MYLK: variants seen among roughly 807,000 people sequenced by gnomAD.
The protein encoded by MYLK is myosin light chain kinase, smooth muscle.
MYLK carries 106 observed loss-of-function variants against 203.4 expected under a neutral mutation model. The ratio of observed to expected loss-of-function variants is 0.52; its 90% CI spans 0.45 to 0.61. MYLK has a LOEUF of 0.61. MYLK is among the 20% of genes least tolerant of loss of function. The pLI is 0.00. For missense variants in MYLK, 2,072 were observed against 2,442.3 expected, an observed-to-expected ratio of 0.85 and a Z score of 3.20; for synonymous variants, 867 against 959.5, an observed-to-expected ratio of 0.90 and a Z score of 1.78.
At position 123,826,381 on chromosome 3, in the gene MYLK, T is replaced by C. The variant is rs1433537628; in HGVS notation, c.-4+5167A>G. 2.6e-5 allele frequency among the ~76,000 whole-genome samples: 4 copies of C among 152,154 alleles called. No homozygotes were observed. In the East Asian group the frequency reaches 7.7e-4, roughly 29 times the overall value. ...GGCTGGCTGAGCAGCTATAAGCCCA[T>C]GTCCTGAGATGAAGAAAGAGCCCCA... On this transcript the variant is annotated intron_variant, in intron 3 of 33. Coordinates refer to ENST00000360304, the MANE Select transcript of MYLK (RefSeq NM_053025.4).
chr3:123,736,549 A>G (rs997605129), intron 8 of MYLK, among the ~76,000 whole-genome samples: 1 of 152,044 alleles, frequency 6.6e-6, no homozygotes, highest in African/African-American at 2.4e-5. Context: ...CGTGTTCAAC[A>G]AGACTTACAA....
intron 13 of MYLK, among the ~76,000 whole-genome samples, chr3:123,710,641 G>C (rs1369427876): frequency 2.6e-5 from 4 of 152,162 alleles, no homozygotes; most frequent in Non-Finnish European, 5.9e-5. Flanking sequence ...AGGTGGTACA[G>C]AACCTTCTGA....
intron 4 of MYLK, among the ~76,000 whole-genome samples, chr3:123,763,606 A>T (rs2063606956): frequency 6.6e-6 from 1 of 152,060 alleles, no homozygotes; most frequent in African/African-American, 2.4e-5. Context: ...GCTTCGTGGC[A>T]TTTGAAGGCA....
chr3:123,805,073 C>A (rs1407339542), intron 3 of MYLK, among the ~76,000 whole-genome samples: 1 of 152,110 alleles, frequency 6.6e-6, no homozygotes, highest in African/African-American at 2.4e-5. Flanking sequence ...CCCCTGGGGC[C>A]AAAGGCAGTT....
chr3:123,797,804 C>T (rs950561220), intron 3 of MYLK, among the ~76,000 whole-genome samples: 13 of 152,202 alleles, frequency 8.5e-5, no homozygotes, highest in Non-Finnish European at 1.6e-4. Context: ...ATGTAACACC[C>T]ATAATATAGC....
At position 123,648,629 on chromosome 3, in the gene MYLK, C is replaced by A. The variant is rs1028809302; in HGVS notation, c.4415+342G>T. Among the ~76,000 whole-genome samples, 1 of 152,132 alleles carries A rather than the reference C, an allele frequency of 6.6e-6. No homozygotes were observed. Among genetic ancestry groups the A allele is most frequent in the Admixed American group, 6.5e-5 (1 of 15,274 alleles). On this transcript the variant is annotated intron_variant, in intron 26 of 33. Transcript: ENST00000360304. The surrounding 1 kb of genome is among the most constrained non-coding windows in gnomAD (Gnocchi z 4.5). ...TAGCTCTTCTCCCTAATGTTCTGCT[C>A]CCCGCACCCCCTGCTCTCCCCTGAC...
intron 33 of MYLK, chr3:123,618,282 A>G (rs952004369): frequency 1.3e-5 from 4 of 304,688 alleles, no homozygotes; most frequent in Non-Finnish European, 2.6e-5. Context: ...AGGGCCTCAT[A>G]TGGGCAAGTC....
chr3:123,721,607 T>C (rs1490885877), intron 13 of MYLK, among the ~76,000 whole-genome samples: 1 of 151,992 alleles, frequency 6.6e-6, no homozygotes, highest in African/African-American at 2.4e-5. Context: ...GGACAACCTG[T>C]GACCCTCTGG....
intron 3 of MYLK, among the ~76,000 whole-genome samples, chr3:123,825,696 C>G (rs1354778168): frequency 6.6e-6 from 1 of 152,242 alleles, no homozygotes; most frequent in African/African-American, 2.4e-5. Flanking sequence ...CACCTTCCAG[C>G]ACTGGAGCTC....
At chr3:123,626,077 T>A (rs2058133496) in intron 31 of MYLK, among the ~76,000 whole-genome samples, 1 of 152,152 alleles carries the variant, frequency 6.6e-6, no homozygotes, top group African/African-American at 2.4e-5. Context: ...AAAGTGGGGA[T>A]AATAATAGTA....
Position 123,747,815 on chromosome 3 carries a change from A to G in MYLK, c.373+4516T>C, listed in dbSNP as rs192120026. The stretch of plus-strand genomic sequence containing the variant: ...CCTGGGCTCCTGAGCTTATGTCCTT[A>G]AAGTTAACCCTTTATTACCTGAAGT... On this transcript the variant is annotated intron_variant, in intron 5 of 33. Transcript: ENST00000360304. 4.0e-4 allele frequency among the ~76,000 whole-genome samples: 61 copies of G among 152,198 alleles called. 1 individual carries two copies. The highest frequency in any genetic ancestry group is 3.9e-3 in the Admixed American group (60 of 15,298).
chr3:123,867,926 A>T (rs1242936453), intron 2 of MYLK, among the ~76,000 whole-genome samples: 1 of 152,182 alleles, frequency 6.6e-6, no homozygotes, highest in South Asian at 2.1e-4. Flanking sequence ...ACTCCCACAG[A>T]GCCCTACAGA....
intron 4 of MYLK, among the ~76,000 whole-genome samples, chr3:123,769,160 G>T (rs986687112): frequency 1.3e-5 from 2 of 152,068 alleles, no homozygotes; most frequent in Non-Finnish European, 2.9e-5. Context: ...CGAAGCACAG[G>T]ACCATATTTT....
chr3:123,647,688 A>G (rs1396992098), intron 26 of MYLK, among the ~76,000 whole-genome samples: 1 of 152,086 alleles, frequency 6.6e-6, no homozygotes, highest in Non-Finnish European at 1.5e-5. Flanking sequence ...CTCTAGAGCA[A>G]TGAGGCACAT....
At chr3:123,683,226 T>TC (rs1386442495) in intron 19 of MYLK, among the ~76,000 whole-genome samples, 1 of 115,250 alleles carries the variant, frequency 8.7e-6, no homozygotes, top group Non-Finnish European at 1.6e-5. Context: ...TGAGAGAGTC[T>TC]CCCCCTTGAA....
chr3:123,738,435 G>A (rs1429923535), intron 7 of MYLK, among the ~76,000 whole-genome samples: 1 of 152,146 alleles, frequency 6.6e-6, no homozygotes, highest in African/African-American at 2.4e-5. Flanking sequence ...GAAACAGGAG[G>A]AACAGAATGG....
chr3:123,884,280 G>A lies in MYLK; in HGVS notation c.-260C>T, dbSNP rs1472462674. ...CGCCCCGGCCGCAGGCGCACAGCGC[G>A]GGCTCCGAGCTCGCTCAGCGCCCTG... On this transcript the variant is annotated 5_prime_UTR_variant, in exon 1 of 34. Transcript: ENST00000360304. 6.8e-6 allele frequency: 1 copy of A among 147,414 alleles called. No individual in the cohort carries two copies. Among genetic ancestry groups the A allele is most frequent in the Non-Finnish European group, 1.5e-5 (1 of 66,608 alleles). The allele number at this position is 147,414 out of a possible 1,614,324, so 9.1% of individuals were successfully genotyped here.
At chr3:123,850,633 T>G (rs1254691112) in intron 2 of MYLK, among the ~76,000 whole-genome samples, 1 of 152,234 alleles carries the variant, frequency 6.6e-6, no homozygotes, top group African/African-American at 2.4e-5. Flanking sequence ...CTTTGTAGAT[T>G]CTGGATATTA....
chr3:123,868,813 T>C (rs2032530598), intron 2 of MYLK, among the ~76,000 whole-genome samples: 4 of 152,158 alleles, frequency 2.6e-5, no homozygotes, highest in Admixed American at 2.6e-4. Context: ...AAATAATAAC[T>C]GAATATTTTA....
Sources: gnomAD v4.1 joint callset for allele counts (sites outside exome capture counted in the v4.1 genomes callset) on GRCh38, gnomAD v4.1.1 for gene constraint, Gnocchi (gnomAD v3.1) non-coding constraint, MANE v1.5 for transcripts, NCBI Gene and HGNC (gene_info 2026-07-23, HGNC 2026-07-21) for gene names.